Variants in CTPS2 observed in about 807,000 individuals in gnomAD.
The protein encoded by CTPS2 is CTP synthase II.
A neutral mutation model predicts 46.8 loss-of-function variants in CTPS2; 19 were observed. The observed-to-expected ratio is 0.41, with a 90% CI of 0.28 to 0.60. The LOEUF is 0.60. Ranked by LOEUF, CTPS2 falls within the 20% of genes least tolerant of loss-of-function variation. The pLI, the probability that CTPS2 is intolerant of heterozygous loss-of-function variation, is 0.35. For synonymous variants in CTPS2, 151 were observed against 165.2 expected (o/e 0.91, Z 0.66); for missense variants, 286 against 447.6 (o/e 0.64, Z 3.26).
intron 13 of CTPS2, among the ~76,000 whole-genome samples, chrX:16,650,511 C>CTT (rs1167079038): frequency 0.015 from 1,142 of 77,038 alleles, 31 homozygotes; most frequent in African/African-American, 0.047. Context: ...TCTAAGATGT[C>CTT]TTTTTTTTTT....
chrX:16,643,051 A>G (rs1932154062), intron 13 of CTPS2, among the ~76,000 whole-genome samples: 1 of 112,361 alleles, frequency 8.9e-6, no homozygotes, highest in South Asian at 3.7e-4. Context: ...AAGCTTTAGG[A>G]GATGTAAAAT....
intron 14 of CTPS2, among the ~76,000 whole-genome samples, chrX:16,625,132 C>G (rs1454309231): frequency 8.9e-6 from 1 of 112,045 alleles, no homozygotes; most frequent in African/African-American, 3.3e-5. Flanking sequence ...GTGGAAGCAA[C>G]CCAAATGTTC....
chrX:16,697,346 G>A (rs1048715201), intron 4 of CTPS2, among the ~76,000 whole-genome samples: 1 of 110,194 alleles, frequency 9.1e-6, no homozygotes, highest in African/African-American at 3.3e-5. Context: ...TTTAGAGGAG[G>A]AGGATATGGA....
chrX:16,596,200 A>G (rs1163872513), intron 17 of CTPS2, among the ~76,000 whole-genome samples: 1 of 102,781 alleles, frequency 9.7e-6, no homozygotes, highest in East Asian at 2.9e-4. Flanking sequence ...TTTTTTTTTT[A>G]TTATTATACT....
rs777509997 is a variant in CTPS2, at chrX:16,691,585, G to A, written c.675C>T (p.Ala225=). 19 of 1,209,348 alleles carry A rather than the reference G, an allele frequency of 1.6e-5. No individual in the cohort carries two copies. The highest frequency in any genetic ancestry group is 5.3e-5 in the South Asian group (3 of 56,820). ...AAAACATAGAAATCTTCTCCTTCACGGCCATCTCAATGGGCGTTGAACTTC... is the reference window on the plus strand; with the variant it reads ...AAAACATAGAAATCTTCTCCTTCACAGCCATCTCAATGGGCGTTGAACTTC... ...VCRSSTPIEM[A]VKEKISMFCH... is the part of the protein sequence containing the mutation. The change falls in exon 7 of 19, where the codon GCC becomes GCT. Residue 225 remains alanine, a synonymous_variant. Coordinates refer to ENST00000359276, the MANE Select transcript of CTPS2 (RefSeq NM_175859.3).
intron 8 of CTPS2, among the ~76,000 whole-genome samples, chrX:16,687,474 C>CAAAAAAAAAAAAAAAAAAAAAAAAA (rs35798035): frequency 9.0e-5 from 4 of 44,379 alleles, no homozygotes; most frequent in Admixed American, 3.4e-4. Context: ...CACCCTGTGT[C>CAAAAAAAAAAAAAAAAAAAAAAAAA]AAAAAAAAAA....
At chrX:16,619,799 T>C (rs1007413022) in intron 15 of CTPS2, among the ~76,000 whole-genome samples, 2 of 111,798 alleles carry the variant, frequency 1.8e-5, no homozygotes, top group African/African-American at 6.5e-5. Flanking sequence ...CATGTGACGC[T>C]AAGCCTCAAG....
At chrX:16,676,801 C>T (rs184595768) in intron 10 of CTPS2, among the ~76,000 whole-genome samples, 1 of 111,550 alleles carries the variant, frequency 9.0e-6, no homozygotes, top group Admixed American at 9.6e-5. Context: ...GTGGCTCACA[C>T]CTGTAATCCC....
At chrX:16,661,324 A>G (rs190175619) in intron 13 of CTPS2, among the ~76,000 whole-genome samples, 4 of 111,947 alleles carry the variant, frequency 3.6e-5, no homozygotes, top group Admixed American at 9.5e-5. Context: ...CTAACCTCCA[A>G]GTGATTTCTA....
At chrX:16,674,868 G>A (rs373386167) in intron 10 of CTPS2, among the ~76,000 whole-genome samples, 1 of 110,248 alleles carries the variant, frequency 9.1e-6, no homozygotes, top group Non-Finnish European at 1.9e-5. Flanking sequence ...TATGCGTGTG[G>A]ACATTGGCTA....
chrX:16,597,822 A>G (rs1208901587), intron 17 of CTPS2, among the ~76,000 whole-genome samples: 1 of 109,472 alleles, frequency 9.1e-6, no homozygotes, highest in Non-Finnish European at 1.9e-5. Flanking sequence ...CTTCCTACCC[A>G]TGAGCATGGA....
intron 13 of CTPS2, among the ~76,000 whole-genome samples, chrX:16,657,452 G>C (rs777317052): frequency 9.1e-6 from 1 of 110,212 alleles, no homozygotes; most frequent in Non-Finnish European, 1.9e-5. Flanking sequence ...AAGTGAACTG[G>C]GCACGAGATG....
intron 8 of CTPS2, among the ~76,000 whole-genome samples, chrX:16,685,760 G>A (rs1362721578): frequency 1.9e-5 from 2 of 106,298 alleles, no homozygotes; most frequent in Non-Finnish European, 3.9e-5. Flanking sequence ...CCAGCTACTC[G>A]GGAGGCTGAG....
At chrX:16,687,389 C>G (rs186357564) in intron 8 of CTPS2, among the ~76,000 whole-genome samples, 1 of 102,995 alleles carries the variant, frequency 9.7e-6, no homozygotes, top group African/African-American at 3.6e-5. Flanking sequence ...GCAGGAGGAT[C>G]GCTTGAGCCC....
intron 14 of CTPS2, among the ~76,000 whole-genome samples, chrX:16,623,270 T>C (rs1294215096): frequency 8.9e-6 from 1 of 111,828 alleles, no homozygotes; most frequent in Non-Finnish European, 1.9e-5. Context: ...AACAATCCAA[T>C]TACTCTCTCT....
chrX:16,695,214 G>T (rs1924026275), intron 4 of CTPS2, among the ~76,000 whole-genome samples: 1 of 111,304 alleles, frequency 9.0e-6, no homozygotes, highest in Non-Finnish European at 1.9e-5. Flanking sequence ...GGATTCTCTG[G>T]GGGGTCAATA....
intron 7 of CTPS2, 114 bp from the exon 8 acceptor site, chrX:16,689,715 C>A: frequency 1.7e-6 from 1 of 571,889 alleles, no homozygotes; most frequent in Non-Finnish European, 2.7e-6. Flanking sequence ...ATATAACACA[C>A]ACACACGCAC....
chrX:16,594,642 GT>G (rs1929132412), intron 17 of CTPS2, among the ~76,000 whole-genome samples: 1 of 111,904 alleles, frequency 8.9e-6, no homozygotes, highest in African/African-American at 3.2e-5. Context: ...GGGCGGGCCT[GT>G]TTCTAATCTA....
At chrX:16,681,459 A>T (rs939396869) in intron 9 of CTPS2, among the ~76,000 whole-genome samples, 1 of 112,171 alleles carries the variant, frequency 8.9e-6, no homozygotes, top group Non-Finnish European at 1.9e-5. Context: ...TGAGATAGAT[A>T]TATAAATATA....
Sources: gnomAD v4.1 joint callset for allele counts (sites outside exome capture counted in the v4.1 genomes callset) on GRCh38, gnomAD v4.1.1 for gene constraint, MANE v1.5 for transcripts, NCBI Gene and HGNC (gene_info 2026-07-23, HGNC 2026-07-21) for gene names.